ATP9B: variants seen among roughly 807,000 people sequenced by gnomAD.
ATP9B encodes ATPase phospholipid transporting 9B.
A neutral mutation model predicts 146.1 loss-of-function variants in ATP9B; 110 were observed. The ratio of observed to expected loss-of-function variants is 0.75; its 90% CI spans 0.65 to 0.88. ATP9B has a LOEUF of 0.88. ATP9B is among the 40% of genes least tolerant of loss of function. ATP9B has a pLI of 0.00. For missense variants in ATP9B, 1,499 were observed against 1,496.4 expected (o/e 1.00, Z -0.03); for synonymous variants, 604 against 569.7 (o/e 1.06, Z -0.86).
intron 9 of ATP9B, among the ~76,000 whole-genome samples, chr18:79,201,991 G>C (rs187748220): frequency 1.3e-4 from 20 of 152,270 alleles, no homozygotes; most frequent in African/African-American, 4.3e-4. Context: ...GGTTGAGGTG[G>C]AGCCTGCCCT....
intron 9 of ATP9B, among the ~76,000 whole-genome samples, chr18:79,204,760 G>C (rs2148323138): frequency 6.6e-6 from 1 of 152,280 alleles, no homozygotes. Context: ...TGTGTCTGCA[G>C]GGCGCCTGCT....
At chr18:79,070,489 G>T (rs2071599048) in intron 1 of ATP9B, among the ~76,000 whole-genome samples, 1 of 152,190 alleles carries the variant, frequency 6.6e-6, no homozygotes, top group Non-Finnish European at 1.5e-5. Flanking sequence ...GGGATTATTG[G>T]AGATTACAGT....
intron 13 of ATP9B, among the ~76,000 whole-genome samples, chr18:79,286,427 A>G (rs1172361273): frequency 2.0e-5 from 3 of 150,976 alleles, no homozygotes; most frequent in South Asian, 2.1e-4. Flanking sequence ...TTTGTCTGTT[A>G]TTGGTGTATA....
intron 1 of ATP9B, among the ~76,000 whole-genome samples, chr18:79,096,124 A>C (rs2074757749): frequency 6.6e-6 from 1 of 152,154 alleles, no homozygotes; most frequent in South Asian, 2.1e-4. Flanking sequence ...ATTCTTTGCT[A>C]TAGTCATGTT....
At chr18:79,185,097 G>A (rs780474378) in intron 8 of ATP9B, among the ~76,000 whole-genome samples, 12 of 152,142 alleles carry the variant, frequency 7.9e-5, no homozygotes, top group Non-Finnish European at 1.5e-4. Flanking sequence ...GCAGGGATAG[G>A]CGGGTTGCAT....
intron 27 of ATP9B, among the ~76,000 whole-genome samples, chr18:79,373,402 G>C (rs8086602): frequency 0.88 from 134,045 of 152,118 alleles, 59,177 homozygotes; most frequent in East Asian, 1. Flanking sequence ...TCTAACTGAT[G>C]TAGCTAGGAT....
intron 6 of ATP9B, among the ~76,000 whole-genome samples, chr18:79,148,827 G>A (rs1055802323): frequency 1.3e-5 from 2 of 152,108 alleles, no homozygotes; most frequent in African/African-American, 2.4e-5. Context: ...AAACCCCAAC[G>A]GATCTATAGA....
At position 79,341,714 on chromosome 18, in the gene ATP9B, C is replaced by A. The variant is rs373707746; in HGVS notation, c.2284-554C>A. On this transcript the variant is annotated intron_variant, in intron 19 of 29. Transcript: ENST00000426216. ...CGTGACCTTGTTGAAGCCTGCGTTGCCGACACACCATTTAGTTGTGGTTGG... is the reference window on the plus strand; with the variant it reads ...CGTGACCTTGTTGAAGCCTGCGTTGACGACACACCATTTAGTTGTGGTTGG... 5.1e-3 allele frequency among the ~76,000 whole-genome samples: 747 copies of A among 145,998 alleles called. 2 individuals carry two copies. Among genetic ancestry groups the A allele is most frequent in the African/African-American group, 0.016 (640 of 39,806 alleles).
intron 12 of ATP9B, among the ~76,000 whole-genome samples, chr18:79,258,263 A>AAAAAAC (rs2096104225): frequency 1.3e-5 from 2 of 152,080 alleles, no homozygotes; most frequent in Admixed American, 6.6e-5. Flanking sequence ...TGGTCTCTCC[A>AAAAAAC]AAAAACAAAA....
chr18:79,229,094 A>G (rs1195025390), intron 11 of ATP9B, among the ~76,000 whole-genome samples: 1 of 152,220 alleles, frequency 6.6e-6, no homozygotes, highest in Non-Finnish European at 1.5e-5. Flanking sequence ...CTTCTAAGTT[A>G]TATAACCAGA....
At chr18:79,336,786 T>C (rs2147256356) in intron 18 of ATP9B, 75 bp downstream of exon 18, 14 of 1,460,518 alleles carry the variant, frequency 9.6e-6, no homozygotes, top group Middle Eastern at 1.7e-4. Context: ...TTCCTGTCTT[T>C]GTATGAAATT....
chr18:79,273,220 T>C (rs903259709), intron 12 of ATP9B, among the ~76,000 whole-genome samples: 2 of 152,200 alleles, frequency 1.3e-5, no homozygotes, highest in Non-Finnish European at 2.9e-5. Context: ...CTAAGATATC[T>C]CATAGGAAAT....
chr18:79,307,520 A>G, intron 15 of ATP9B: 1 of 379,762 alleles, frequency 2.6e-6, no homozygotes, highest in Middle Eastern at 7.6e-4. Context: ...AGGTTTACTG[A>G]TTCCGTAAAG....
At chr18:79,092,924 C>T (rs1264731627) in intron 1 of ATP9B, among the ~76,000 whole-genome samples, 1 of 152,024 alleles carries the variant, frequency 6.6e-6, no homozygotes, top group Non-Finnish European at 1.5e-5. Flanking sequence ...ATACATAAAC[C>T]AATAGCATAG....
intron 26 of ATP9B, among the ~76,000 whole-genome samples, chr18:79,371,151 A>G (rs1331970044): frequency 2.0e-5 from 3 of 152,164 alleles, no homozygotes; most frequent in African/African-American, 7.2e-5. Flanking sequence ...AGGTGGGCGG[A>G]TCATGAGGTC....
chr18:79,133,533 A>ACT (rs1568245713), intron 5 of ATP9B, among the ~76,000 whole-genome samples: 1 of 151,556 alleles, frequency 6.6e-6, no homozygotes, highest in East Asian at 1.9e-4. Context: ...ACACACACAC[A>ACT]CACTCACTCT....
intron 11 of ATP9B, among the ~76,000 whole-genome samples, chr18:79,221,436 A>T (rs1048727157): frequency 4.6e-5 from 7 of 152,220 alleles, no homozygotes; most frequent in Admixed American, 2.0e-4. Flanking sequence ...TTTCAAAACT[A>T]TCAGGCTGGG....
At chr18:79,210,545 G>A (rs1014676288) in intron 10 of ATP9B, among the ~76,000 whole-genome samples, 4 of 152,242 alleles carry the variant, frequency 2.6e-5, no homozygotes, top group African/African-American at 9.6e-5. Context: ...TTTGTAGTCT[G>A]TGCACCAGTT....
At chr18:79,163,923 G>A (rs1164378630) in intron 7 of ATP9B, among the ~76,000 whole-genome samples, 1 of 146,852 alleles carries the variant, frequency 6.8e-6, no homozygotes, top group Non-Finnish European at 1.5e-5. Flanking sequence ...GACAGAGACA[G>A]ACAGACAGAC....
Sources: gnomAD v4.1 joint callset for allele counts (sites outside exome capture counted in the v4.1 genomes callset) on GRCh38, gnomAD v4.1.1 for gene constraint, MANE v1.5 for transcripts, NCBI Gene and HGNC (gene_info 2026-07-23, HGNC 2026-07-21) for gene names.